Variants in ZC2HC1B observed in about 807,000 individuals in gnomAD.
ZC2HC1B encodes the protein zinc finger C2HC-type containing 1B.
A neutral mutation model predicts 31.0 loss-of-function variants in ZC2HC1B; 36 were observed. That is an observed-to-expected ratio of 1.16 (90% CI 0.89 to 1.54). The LOEUF is 1.54. Among genes scored for constraint, ZC2HC1B ranks in the 40% most tolerant of loss-of-function variants. The pLI is 0.00. For missense variants in ZC2HC1B, 260 were observed against 268.6 expected (o/e 0.97, Z 0.22); for synonymous variants, 73 against 88.0 (o/e 0.83, Z 0.95).
At chr6:143,909,024 A>T (rs1777828604) in intron 6 of ZC2HC1B, among the ~76,000 whole-genome samples, 1 of 152,204 alleles carries the variant, frequency 6.6e-6, no homozygotes, top group South Asian at 2.1e-4. Flanking sequence ...TTCTGTATCC[A>T]TTAAGAAATT....
Position 143,905,166 on chromosome 6 carries a change from A to G in ZC2HC1B, c.598+2014A>G, listed in dbSNP as rs75304182. ...GCAGATTGCTTTGGTTAGTATGGAC[A>G]TCTTAACAATAGTAAGTTTTCAAAT... On this transcript the variant is annotated intron_variant, in intron 6 of 7. Coordinates refer to ENST00000237275, the MANE Select transcript of ZC2HC1B (RefSeq NM_001013623.3). The surrounding 1 kb of genome is among the most constrained non-coding windows in gnomAD (Gnocchi z 4.2). Among the ~76,000 whole-genome samples the G allele has an allele frequency of 2.3e-3, 344 of 152,372 alleles. 6 individuals are homozygous for G. In the East Asian group the frequency reaches 0.048, roughly 21 times the overall value.
intron 6 of ZC2HC1B, among the ~76,000 whole-genome samples, chr6:143,904,790 G>T (rs1777775427): frequency 6.6e-6 from 1 of 152,164 alleles, no homozygotes; most frequent in Non-Finnish European, 1.5e-5. Flanking sequence ...AATATATGGT[G>T]TTAGGTAAGA....
At chr6:143,902,246 G>A (rs1290726214) in intron 5 of ZC2HC1B, among the ~76,000 whole-genome samples, 1 of 152,188 alleles carries the variant, frequency 6.6e-6, no homozygotes, top group East Asian at 1.9e-4. Context: ...AAGAAAGGAG[G>A]GGTTGTTTCA....
In ZC2HC1B at chr6:143,903,001, T is replaced by C. The variant is rs772636795; in HGVS notation, c.490-43T>C. ...CTCCTATGTGGCACCTGAGGTTACA[T>C]ACAGAAGGTGTTCTCTTTGTCTCTT... On this transcript the variant is annotated intron_variant, in intron 5 of 7. Transcript: ENST00000237275. This position sits in a 1 kb window ranked among gnomAD's most constrained non-coding sequence, Gnocchi z 4.3. The C allele has an allele frequency of 1.6e-4, 240 of 1,536,660 alleles. No homozygotes were observed. Among genetic ancestry groups the C allele is most frequent in the Non-Finnish European group, 2.0e-4 (230 of 1,134,136 alleles).
chr6:143,937,194 A>C (rs1156936101), intron 6 of ZC2HC1B, among the ~76,000 whole-genome samples: 2 of 152,148 alleles, frequency 1.3e-5, no homozygotes, highest in East Asian at 3.9e-4. Context: ...CTGTTTGTGG[A>C]ATGAATCCAT....
intron 6 of ZC2HC1B, among the ~76,000 whole-genome samples, chr6:143,928,748 C>T (rs1778080881): frequency 6.6e-6 from 1 of 150,846 alleles, no homozygotes; most frequent in African/African-American, 2.4e-5. Context: ...TTTGTGTCCT[C>T]TTAACTCTCT....
intron 6 of ZC2HC1B, among the ~76,000 whole-genome samples, chr6:143,932,974 C>A (rs1255635207): frequency 1.3e-5 from 2 of 152,170 alleles, no homozygotes; most frequent in Non-Finnish European, 2.9e-5. Flanking sequence ...GGAATGTCTG[C>A]CGAGTCCTGT....
Position 143,886,394 on chromosome 6 carries a change from A to C in ZC2HC1B, c.210+243A>C, listed in dbSNP as rs12203482. Among the ~76,000 whole-genome samples, 22,515 of 152,210 alleles carry C rather than the reference A, an allele frequency of 0.15. 2,128 individuals carry two copies. The highest frequency in any genetic ancestry group is 0.43 in the East Asian group (2,214 of 5,178). Reference sequence around the variant, plus strand: ...CATTAGAGTGGCTTTAAATCTAGCAATTAACCTGAGAAGAAAGTCACTTTT... The same window carrying C: ...CATTAGAGTGGCTTTAAATCTAGCACTTAACCTGAGAAGAAAGTCACTTTT... On this transcript the variant is annotated intron_variant, in intron 3 of 7. Coordinates refer to ENST00000237275, the MANE Select transcript of ZC2HC1B (RefSeq NM_001013623.3). This position sits in a 1 kb window ranked among gnomAD's most constrained non-coding sequence, Gnocchi z 4.2.
At chr6:143,881,223 T>C (rs867795020) in intron 1 of ZC2HC1B, among the ~76,000 whole-genome samples, 1 of 152,146 alleles carries the variant, frequency 6.6e-6, no homozygotes, top group Non-Finnish European at 1.5e-5. Context: ...TCACCCAGCA[T>C]TGAAATCCAT....
At chr6:143,937,500 T>G in intron 6 of ZC2HC1B, 149 bp from the exon 7 acceptor site, 1 of 464,048 alleles carries the variant, frequency 2.2e-6, no homozygotes, top group Non-Finnish European at 3.9e-6. Flanking sequence ...CCCACCCTCA[T>G]TGCCCTCCCC....
chr6:143,880,760 C>T (rs756076090), intron 1 of ZC2HC1B, among the ~76,000 whole-genome samples: 5 of 151,512 alleles, frequency 3.3e-5, no homozygotes, highest in Non-Finnish European at 7.4e-5. Context: ...AAAAAAAAGG[C>T]GTCAGATTTG....
rs577943335 is a variant in ZC2HC1B, at chr6:143,885,191, A to G, written c.90+826A>G. Reference sequence around the variant, plus strand: ...ACTATAAAATGAGGTTGTAGGTTTTATTTTTCTGGAGAATTTAAAAAATGA... The same window carrying G: ...ACTATAAAATGAGGTTGTAGGTTTTGTTTTTCTGGAGAATTTAAAAAATGA... On this transcript the variant is annotated intron_variant, in intron 2 of 7. Transcript: ENST00000237275. The surrounding 1 kb of genome is among the most constrained non-coding windows in gnomAD (Gnocchi z 4.2). Among the ~76,000 whole-genome samples the G allele has an allele frequency of 3.9e-5, 6 of 152,246 alleles. No individual in the cohort carries two copies. The highest frequency in any genetic ancestry group is 1.3e-4 in the Admixed American group (2 of 15,288).
chr6:143,903,026 T>C lies in ZC2HC1B; in HGVS notation c.490-18T>C, dbSNP rs1420397573. 6.4e-7 allele frequency: 1 copy of C among 1,551,088 alleles called. No individual in the cohort carries two copies. Among genetic ancestry groups the C allele is most frequent in the Non-Finnish European group, 8.7e-7 (1 of 1,146,498 alleles). ...TACAGAAGGTGTTCTCTTTGTCTCT[T>C]TCTTTCTCTCTCTGTAGGGTAGGGC... On this transcript the variant is annotated intron_variant, in intron 5 of 7. Coordinates refer to ENST00000237275, the MANE Select transcript of ZC2HC1B (RefSeq NM_001013623.3). This position sits in a 1 kb window ranked among gnomAD's most constrained non-coding sequence, Gnocchi z 4.3.
At chr6:143,864,699 G>C in intron 1 of ZC2HC1B, 132 bp downstream of exon 1, 1 of 1,042,508 alleles carries the variant, frequency 9.6e-7, no homozygotes, top group Non-Finnish European at 1.4e-6. Context: ...AGTATTGTAG[G>C]ATTTTTAAAG....
intron 5 of ZC2HC1B, among the ~76,000 whole-genome samples, chr6:143,900,219 G>A (rs771070836): frequency 4.0e-5 from 6 of 151,796 alleles, no homozygotes; most frequent in South Asian, 4.2e-4. Context: ...GAGAAACCCC[G>A]TCTCTACTAA....
Position 143,865,324 on chromosome 6 carries a change from C to A in ZC2HC1B, c.28+757C>A, listed in dbSNP as rs984712491. ...GCAGGATAGGTGCAGCGAAATGTAA[C>A]TGGCAATACTATCGTGGTAAGTACC... On this transcript the variant is annotated intron_variant, in intron 1 of 7. Coordinates refer to ENST00000237275, the MANE Select transcript of ZC2HC1B (RefSeq NM_001013623.3). This position sits in a 1 kb window ranked among gnomAD's most constrained non-coding sequence, Gnocchi z 4.4. 1.3e-5 allele frequency among the ~76,000 whole-genome samples: 2 copies of A among 152,172 alleles called. No homozygotes were observed. Among genetic ancestry groups the A allele is most frequent in the Non-Finnish European group, 1.5e-5 (1 of 68,032 alleles).
intron 1 of ZC2HC1B, among the ~76,000 whole-genome samples, chr6:143,873,868 G>C (rs1238371763): frequency 6.6e-6 from 1 of 152,188 alleles, no homozygotes; most frequent in Non-Finnish European, 1.5e-5. Context: ...CTCTGAAATG[G>C]CCTGGAGACA....
Position 143,864,522 on chromosome 6 carries a change from C to G in ZC2HC1B, c.-18C>G. On this transcript the variant is annotated 5_prime_UTR_variant, in exon 1 of 8. Transcript: ENST00000237275. Reference sequence around the variant, plus strand: ...CTGTAAAAATCTGTGAACACTGTTGCTCTGAGTTAGGAACAGAATGGCTGG... The same window carrying G: ...CTGTAAAAATCTGTGAACACTGTTGGTCTGAGTTAGGAACAGAATGGCTGG... The G allele has an allele frequency of 6.4e-7, 1 of 1,551,568 alleles. No individual in the cohort carries two copies. The highest frequency in any genetic ancestry group is 8.7e-7 in the Non-Finnish European group (1 of 1,146,896).
At chr6:143,900,319 G>A (rs763426958) in intron 5 of ZC2HC1B, among the ~76,000 whole-genome samples, 1 of 151,736 alleles carries the variant, frequency 6.6e-6, no homozygotes, top group Non-Finnish European at 1.5e-5. Context: ...AACCTGGGGA[G>A]GCAGAGGTTG....
Sources: gnomAD v4.1 joint callset for allele counts (sites outside exome capture counted in the v4.1 genomes callset) on GRCh38, gnomAD v4.1.1 for gene constraint, Gnocchi (gnomAD v3.1) non-coding constraint, MANE v1.5 for transcripts, NCBI Gene and HGNC (gene_info 2026-07-23, HGNC 2026-07-21) for gene names.